The following PDS5A variants were observed in gnomAD, a reference collection of about 807,000 sequenced individuals.
The protein encoded by PDS5A is sister chromatid cohesion protein PDS5 homolog A.
PDS5A carries 42 observed loss-of-function variants against 167.1 expected under a neutral mutation model. The ratio of observed to expected loss-of-function variants is 0.25; its 90% CI spans 0.20 to 0.33. The LOEUF is 0.33. PDS5A is among the 10% of genes least tolerant of loss of function. The pLI is 1.00. For missense variants in PDS5A, 1,033 were observed against 1,605.9 expected (o/e 0.64, Z 6.10); for synonymous variants, 553 against 554.6 (o/e 1.00, Z 0.04).
intron 8 of PDS5A, among the ~76,000 whole-genome samples, chr4:39,916,792 G>C (rs1419143469): frequency 6.6e-6 from 1 of 151,866 alleles, no homozygotes; most frequent in Non-Finnish European, 1.5e-5. Context: ...CTTGAACCTG[G>C]GGGGCAAAGG....
intron 2 of PDS5A, among the ~76,000 whole-genome samples, chr4:39,947,712 C>G (rs969773368): frequency 2.0e-5 from 3 of 152,166 alleles, no homozygotes; most frequent in Non-Finnish European, 4.4e-5. Context: ...TCACATGTGA[C>G]CCACGGGCTG....
At chr4:39,825,950 A>C (rs577901113) in intron 32 of PDS5A, among the ~76,000 whole-genome samples, 2 of 152,176 alleles carry the variant, frequency 1.3e-5, no homozygotes, top group Non-Finnish European at 2.9e-5. Flanking sequence ...TTTCACCTGA[A>C]ACTTGGTTTA....
chr4:39,926,684 TAAAC>T (rs1725499757), intron 4 of PDS5A, 87 bp downstream of exon 4: 7 of 899,494 alleles, frequency 7.8e-6, no homozygotes, highest in Admixed American at 4.0e-5. Flanking sequence ...TTGAATAAAA[TAAAC>T]ACTCATTTTA....
intron 32 of PDS5A, among the ~76,000 whole-genome samples, chr4:39,829,915 T>TA (rs1428549506): frequency 1.5e-4 from 17 of 115,962 alleles, no homozygotes; most frequent in Non-Finnish European, 2.6e-4. Flanking sequence ...CGAGCCACTG[T>TA]ACTCCAGCCT....
chr4:39,836,428 A>T (rs1249296706), intron 32 of PDS5A, among the ~76,000 whole-genome samples: 1 of 152,012 alleles, frequency 6.6e-6, no homozygotes, highest in East Asian at 1.9e-4. Context: ...AGAATTCCGT[A>T]AATGCTAATT....
chr4:39,874,133 C>T (rs1334102031), intron 20 of PDS5A, among the ~76,000 whole-genome samples, 156 bp downstream of exon 20: 1 of 152,074 alleles, frequency 6.6e-6, no homozygotes, highest in Non-Finnish European at 1.5e-5. Context: ...AATGCAGTAC[C>T]ACATAAAATA....
chr4:39,908,362 A>G, intron 11 of PDS5A, 33 bp downstream of exon 11: 1 of 1,560,464 alleles, frequency 6.4e-7, no homozygotes, highest in Non-Finnish European at 8.8e-7. Flanking sequence ...TTAAACAGTA[A>G]ATTACAGAAG....
At chr4:39,845,789 A>C in intron 29 of PDS5A, 29 bp downstream of exon 29, 2 of 1,382,872 alleles carry the variant, frequency 1.4e-6, no homozygotes, top group East Asian at 6.1e-5. Context: ...CATGAAACAA[A>C]GATCTCAAAA....
At chr4:39,874,473 T>C in intron 19 of PDS5A, 61 bp from the exon 20 acceptor site, 2 of 1,428,052 alleles carry the variant, frequency 1.4e-6, no homozygotes, top group Non-Finnish European at 2.0e-6. Context: ...AGTATTCCTT[T>C]GGTTGACTTC....
At chr4:39,855,894 C>G (rs772581707) in intron 26 of PDS5A, among the ~76,000 whole-genome samples, 1 of 151,888 alleles carries the variant, frequency 6.6e-6, no homozygotes, top group East Asian at 1.9e-4. Flanking sequence ...AACGGAAAGA[C>G]AGAAAGTAGC....
rs530316491 is a variant in PDS5A at position 39,903,314 on chromosome 4, C to T, written c.1385+726G>A. ...AAATTCCTTACCAATATTGGAATAT[C>T]CTTCTTGCTAGTACCTATTGCTTGT... On this transcript the variant is annotated intron_variant, in intron 12 of 32. Transcript: ENST00000303538. Among the ~76,000 whole-genome samples, 55 of 152,294 alleles carry T rather than the reference C, an allele frequency of 3.6e-4. No individual in the cohort carries two copies. The South Asian group carries it at 7.9e-3, about 22-fold the overall frequency.
Position 39,823,179 on chromosome 4 carries a change from TA to T in PDS5A, c.*2305del, listed in dbSNP as rs1715007662. ...GTGTTGTAGTTCTCTGAGATGTGAA[TA>T]CCAAATTCCTAAGGGATTTTAATGT... On this transcript the variant is annotated 3_prime_UTR_variant, in exon 33 of 33. Transcript: ENST00000303538. 6.5e-6 allele frequency: 1 copy of T among 152,678 alleles called. No individual in the cohort carries two copies. The highest frequency in any genetic ancestry group is 6.5e-5 in the Admixed American group (1 of 15,288). The allele number at this position is 152,678 out of a possible 1,614,324, so 9.5% of individuals were successfully genotyped here. A position where few individuals can be genotyped will look rare whatever the true frequency, so the allele number is the denominator to read the frequency against.
intron 2 of PDS5A, among the ~76,000 whole-genome samples, chr4:39,967,061 T>C (rs1213559443): frequency 6.6e-6 from 1 of 152,028 alleles, no homozygotes; most frequent in African/African-American, 2.4e-5. Context: ...TCCCAGCGCT[T>C]TGGGAGGCCG....
rs954633478 is a variant in PDS5A at position 39,977,082 on chromosome 4, C to T, written c.-41+375G>A. 5.9e-5 allele frequency among the ~76,000 whole-genome samples: 9 copies of T among 152,178 alleles called. No homozygotes were observed. Among genetic ancestry groups the T allele is most frequent in the African/African-American group, 1.7e-4 (7 of 41,460 alleles). ...CCAGCGGACCCACGCGCAGCGGCGG[C>T]TGCCGGGAACAAAACGCCCTTGCCC... On this transcript the variant is annotated intron_variant, in intron 1 of 32. Transcript: ENST00000303538. This position sits in a 1 kb window ranked among gnomAD's most constrained non-coding sequence, Gnocchi z 4.2.
At chr4:39,864,038 G>A (rs947263662) in intron 23 of PDS5A, among the ~76,000 whole-genome samples, 2 of 151,994 alleles carry the variant, frequency 1.3e-5, no homozygotes, top group African/African-American at 4.8e-5. Context: ...ACTCAGGCAG[G>A]AGAACTGCTT....
intron 18 of PDS5A, among the ~76,000 whole-genome samples, chr4:39,877,929 A>C (rs759224010): frequency 6.6e-6 from 1 of 152,218 alleles, no homozygotes; most frequent in Non-Finnish European, 1.5e-5. Flanking sequence ...ATCACTCAAC[A>C]TAATTATCAA....
At chr4:39,844,354 AATT>A in intron 30 of PDS5A, among the ~76,000 whole-genome samples, 1 of 152,112 alleles carries the variant, frequency 6.6e-6, no homozygotes, top group East Asian at 1.9e-4. Flanking sequence ...AGGCGCCTGT[AATT>A]CCAGCTACTC....
chr4:39,943,523 C>T (rs1444236409), intron 2 of PDS5A, among the ~76,000 whole-genome samples: 1 of 151,064 alleles, frequency 6.6e-6, no homozygotes, highest in Non-Finnish European at 1.5e-5. Flanking sequence ...GTGACTCACA[C>T]CTGTAATCCC....
At chr4:39,852,192 T>G (rs1281359866) in intron 26 of PDS5A, among the ~76,000 whole-genome samples, 2 of 152,198 alleles carry the variant, frequency 1.3e-5, no homozygotes, top group Non-Finnish European at 2.9e-5. Flanking sequence ...TACTTGGAAG[T>G]TGTTCAATAT....
Sources: allele counts gnomAD v4.1 joint callset (sites outside exome capture counted in the v4.1 genomes callset), GRCh38; gene constraint gnomAD v4.1.1; non-coding constraint Gnocchi (gnomAD v3.1); transcripts MANE v1.5; gene names NCBI Gene and HGNC (gene_info 2026-07-23, HGNC 2026-07-21).